The following HSD17B11 variants were observed in gnomAD, a reference collection of about 807,000 sequenced individuals.
HSD17B11 encodes the protein estradiol 17-beta-dehydrogenase 11.
HSD17B11 carries 22 observed loss-of-function variants against 27.8 expected under a neutral mutation model. The observed-to-expected ratio is 0.79, with a 90% CI of 0.56 to 1.13. The LOEUF (loss-of-function observed/expected upper bound fraction) is 1.13, where lower values mean the gene tolerates loss of function less well. Ranked by LOEUF, HSD17B11 falls within the 50% of genes most tolerant of loss-of-function variation. The pLI is 0.00. For synonymous variants in HSD17B11, 117 were observed against 132.8 expected (o/e 0.88, Z 0.82); for missense variants, 314 against 351.1 (o/e 0.89, Z 0.84).
At chr4:87,375,971 T>A (rs1735816222) in intron 2 of HSD17B11, among the ~76,000 whole-genome samples, 1 of 152,236 alleles carries the variant, frequency 6.6e-6, no homozygotes, top group Non-Finnish European at 1.5e-5. Flanking sequence ...ACCAAGTTAC[T>A]TAACCTCTTA....
chr4:87,361,896 C>T (rs1468647167), intron 4 of HSD17B11, among the ~76,000 whole-genome samples: 1 of 152,186 alleles, frequency 6.6e-6, no homozygotes, highest in East Asian at 1.9e-4. Context: ...CTGGCAACCA[C>T]GAAGGGACTA....
At chr4:87,345,920 G>A (rs558409989) in intron 5 of HSD17B11, among the ~76,000 whole-genome samples, 271 of 152,240 alleles carry the variant, frequency 1.8e-3, no homozygotes, top group Non-Finnish European at 3.4e-3. Context: ...AAATAGAAGA[G>A]GAGGAAATTC....
At chr4:87,389,256 CTT>C (rs1405930443) in intron 1 of HSD17B11, among the ~76,000 whole-genome samples, 4 of 152,082 alleles carry the variant, frequency 2.6e-5, no homozygotes, top group Non-Finnish European at 5.9e-5. Context: ...GAGTTTTGCT[CTT>C]GTTGCCCAAG....
chr4:87,380,153 C>T (rs1720099901), intron 2 of HSD17B11, among the ~76,000 whole-genome samples: 1 of 147,248 alleles, frequency 6.8e-6, no homozygotes, highest in Non-Finnish European at 1.5e-5. Flanking sequence ...ACTAAAATGG[C>T]CACCTCAAAA....
At chr4:87,346,415 G>A (rs958516993) in intron 5 of HSD17B11, among the ~76,000 whole-genome samples, 28 of 152,194 alleles carry the variant, frequency 1.8e-4, no homozygotes, top group Admixed American at 1.6e-3. Context: ...TTGGGAGGCC[G>A]AGGCAGGCGG....
chr4:87,354,028 A>G (rs1475281925), intron 5 of HSD17B11, among the ~76,000 whole-genome samples: 4 of 152,144 alleles, frequency 2.6e-5, no homozygotes, highest in African/African-American at 9.7e-5. Context: ...TAATACTGAT[A>G]AATTTAAACA....
intron 2 of HSD17B11, among the ~76,000 whole-genome samples, chr4:87,379,610 A>C (rs1720073972): frequency 6.9e-6 from 1 of 145,692 alleles, no homozygotes; most frequent in African/African-American, 2.5e-5. Context: ...CACAACTCAT[A>C]TATACATATA....
intron 4 of HSD17B11, among the ~76,000 whole-genome samples, chr4:87,360,272 T>G (rs79856047): frequency 0.014 from 2,161 of 152,322 alleles, 45 homozygotes; most frequent in African/African-American, 0.049. Context: ...GCTTTCTATT[T>G]TCCAAAGCAC....
chr4:87,364,279 A>G (rs1237599028), intron 4 of HSD17B11, among the ~76,000 whole-genome samples: 3 of 151,540 alleles, frequency 2.0e-5, no homozygotes, highest in African/African-American at 4.8e-5. Context: ...GGAAAAAAAA[A>G]AAAAAAAGAA....
chr4:87,344,156 G>A (rs1314563669), intron 5 of HSD17B11, among the ~76,000 whole-genome samples: 1 of 152,164 alleles, frequency 6.6e-6, no homozygotes, highest in Non-Finnish European at 1.5e-5. Flanking sequence ...AATGTTACAT[G>A]AGGCATTTTC....
rs1360533282 is a variant in HSD17B11 at position 87,390,902 on chromosome 4, C to G, written c.169G>C (p.Ala57Pro). 3.7e-6 allele frequency: 6 copies of G among 1,614,080 alleles called. No individual in the cohort carries two copies. The highest frequency in any genetic ancestry group is 2.2e-5 in the South Asian group (2 of 91,086). Reference protein sequence around the residue: ...GIGRLTAYEFAKLKSKLVLWD... With the variant: ...GIGRLTAYEFPKLKSKLVLWD... ...AGAACCAGCTTGCTTTTAAGTTTAG[C>G]AAATTCATAGGCAGTCAGTCTCCCA... The change falls in exon 1 of 7, where the codon GCT (alanine) becomes CCT (proline). Residue 57 changes from alanine (A) to proline (P), a missense_variant. Transcript: ENST00000358290.
chr4:87,357,197 G>A, intron 5 of HSD17B11, 82 bp downstream of exon 5: 1 of 1,392,516 alleles, frequency 7.2e-7, no homozygotes, highest in Non-Finnish European at 9.8e-7. Context: ...GTGTTTTCAG[G>A]ATTAAAACAT....
chr4:87,353,516 CAT>C (rs1195166741), intron 5 of HSD17B11, among the ~76,000 whole-genome samples: 3 of 152,208 alleles, frequency 2.0e-5, no homozygotes, highest in African/African-American at 7.2e-5. Flanking sequence ...CAAAGAGGTT[CAT>C]ATGTCAGGAC....
intron 5 of HSD17B11, among the ~76,000 whole-genome samples, chr4:87,345,964 T>C (rs962844319): frequency 1.3e-5 from 2 of 152,168 alleles, no homozygotes; most frequent in Admixed American, 6.5e-5. Flanking sequence ...ATTACCCCGA[T>C]ACTAAAAACA....
chr4:87,381,741 A>G (rs1264907084), intron 2 of HSD17B11, among the ~76,000 whole-genome samples: 1 of 141,738 alleles, frequency 7.1e-6, no homozygotes, highest in African/African-American at 2.7e-5. Flanking sequence ...CCTGGGTAAC[A>G]GAGTGAGACC....
At chr4:87,358,961 T>C (rs28655026) in intron 4 of HSD17B11, among the ~76,000 whole-genome samples, 1 of 152,166 alleles carries the variant, frequency 6.6e-6, no homozygotes, top group African/African-American at 2.4e-5. Context: ...GGGGGCAGTT[T>C]TCCCCATGCT....
At chr4:87,346,142 C>A (rs1735267412) in intron 5 of HSD17B11, among the ~76,000 whole-genome samples, 1 of 152,070 alleles carries the variant, frequency 6.6e-6, no homozygotes, top group Non-Finnish European at 1.5e-5. Flanking sequence ...GTGAAATATA[C>A]CATTTTAATA....
At chr4:87,360,625 T>C (rs1735492000) in intron 4 of HSD17B11, among the ~76,000 whole-genome samples, 2 of 152,214 alleles carry the variant, frequency 1.3e-5, no homozygotes, top group African/African-American at 4.8e-5. Context: ...GTTGAAGTGA[T>C]GTTTTTTTTC....
intron 5 of HSD17B11, among the ~76,000 whole-genome samples, chr4:87,345,660 A>C (rs1453213251): frequency 3.9e-5 from 6 of 152,182 alleles, no homozygotes; most frequent in Non-Finnish European, 8.8e-5. Flanking sequence ...AAATAAGATT[A>C]TAATAGAATA....
Sources: allele counts gnomAD v4.1 joint callset (sites outside exome capture counted in the v4.1 genomes callset), GRCh38; gene constraint gnomAD v4.1.1; transcripts MANE v1.5; gene names NCBI Gene and HGNC (gene_info 2026-07-23, HGNC 2026-07-21).